Variants in CLASP1 observed in about 807,000 individuals in gnomAD.
The protein encoded by CLASP1 is cytoplasmic linker associated protein 1, also known as CLIP-associating protein 1.
Under a neutral mutation model 192.3 loss-of-function variants are expected in CLASP1, and 38 were observed. The observed-to-expected ratio is 0.20, with a 90% CI of 0.15 to 0.26. The LOEUF is 0.26. Ranked by LOEUF, CLASP1 falls within the 10% of genes least tolerant of loss-of-function variation. The pLI is 1.00. For missense variants in CLASP1, 1,433 were observed against 1,932.5 expected (o/e 0.74, Z 4.85); for synonymous variants, 691 against 712.8 (o/e 0.97, Z 0.49).
chr2:121,400,947 G>A (rs975445003), intron 28 of CLASP1, among the ~76,000 whole-genome samples: 1 of 152,172 alleles, frequency 6.6e-6, no homozygotes, highest in Non-Finnish European at 1.5e-5. Context: ...ATAGACAATA[G>A]AGAAGCGGTT....
In CLASP1 at chr2:121,527,790, C is replaced by T; in HGVS notation, c.470+9G>A. On this transcript the variant is annotated intron_variant, in intron 5 of 39. Transcript: ENST00000263710. The stretch of plus-strand genomic sequence containing the variant: ...CCACGTAAAAATGTCAGGCTCATCC[C>T]AGACTTACGCATTGAGTGTTGCTAT... 2 of 1,602,412 alleles carry T rather than the reference C, an allele frequency of 1.2e-6. No individual in the cohort carries two copies. The highest frequency in any genetic ancestry group is 2.2e-5 in the East Asian group (1 of 44,834).
chr2:121,398,899 A>G (rs2075726339), intron 28 of CLASP1, among the ~76,000 whole-genome samples: 1 of 152,158 alleles, frequency 6.6e-6, no homozygotes, highest in African/African-American at 2.4e-5. Flanking sequence ...GCGACAAAAC[A>G]TTTCCCATCC....
rs574765430 is a variant in CLASP1, at chr2:121,475,047, G to A, written c.713-5087C>T. 7.9e-5 allele frequency among the ~76,000 whole-genome samples: 12 copies of A among 152,270 alleles called. No homozygotes were observed. In the South Asian group the frequency reaches 2.5e-3, roughly 32 times the overall value. ...TGCTTAGAATACAGTTGACAGTACA[G>A]GGGTCAAATCACATCTATACAATAA... On this transcript the variant is annotated intron_variant, in intron 8 of 39. Coordinates refer to ENST00000263710, the Ensembl canonical transcript of CLASP1.
intron 21 of CLASP1, among the ~76,000 whole-genome samples, chr2:121,426,802 T>C (rs1214287302): frequency 1.1e-4 from 16 of 152,122 alleles, no homozygotes; most frequent in Admixed American, 1.0e-3. Context: ...TTGTGGGACC[T>C]AATTCTCTCT....
At chr2:121,640,113 C>T (rs992198796) in intron 1 of CLASP1, among the ~76,000 whole-genome samples, 3 of 151,884 alleles carry the variant, frequency 2.0e-5, no homozygotes. Flanking sequence ...AGCAAACTAT[C>T]GCAAGGACAA....
chr2:121,378,473 G>A (rs1264791013), intron 33 of CLASP1, among the ~76,000 whole-genome samples: 1 of 152,130 alleles, frequency 6.6e-6, no homozygotes. Flanking sequence ...CCTTTTTGGT[G>A]CACTGCAGTT....
At chr2:121,642,747 C>T (rs2072384617) in intron 1 of CLASP1, among the ~76,000 whole-genome samples, 1 of 152,134 alleles carries the variant, frequency 6.6e-6, no homozygotes, top group African/African-American at 2.4e-5. Context: ...AAATCTCAAA[C>T]AGTTTACCAA....
intron 8 of CLASP1, among the ~76,000 whole-genome samples, chr2:121,478,825 A>C (rs141803906): frequency 1.4e-4 from 1 of 7,038 alleles, no homozygotes; most frequent in Non-Finnish European, 3.2e-4. Context: ...ACACACAACC[A>C]CACACCACAC....
chr2:121,561,704 C>T (rs1379190417), intron 2 of CLASP1, among the ~76,000 whole-genome samples: 1 of 152,128 alleles, frequency 6.6e-6, no homozygotes, highest in Admixed American at 6.5e-5. Context: ...GGTTGGAAAC[C>T]TTGATTTAGA....
chr2:121,410,641 T>C (rs1453170618), intron 24 of CLASP1, among the ~76,000 whole-genome samples: 1 of 152,204 alleles, frequency 6.6e-6, no homozygotes, highest in Non-Finnish European at 1.5e-5. Flanking sequence ...AAGAAATACT[T>C]GATGCTAATA....
intron 8 of CLASP1, among the ~76,000 whole-genome samples, chr2:121,495,458 C>T (rs1435311078): frequency 1.3e-5 from 2 of 151,020 alleles, no homozygotes; most frequent in Non-Finnish European, 3.0e-5. Context: ...GTCAAGATTT[C>T]GAGACCAGCC....
chr2:121,410,892 G>C (rs762747242), exon 24 of CLASP1: 2 of 1,611,598 alleles, frequency 1.2e-6, no homozygotes. Flanking sequence ...GCAGCTTCAA[G>C]ATCTGTACTT....
intron 8 of CLASP1, among the ~76,000 whole-genome samples, chr2:121,478,648 C>A (rs962134131): frequency 0.064 from 6,346 of 98,448 alleles, 221 homozygotes; most frequent in East Asian, 0.16. Context: ...CACACACCCC[C>A]CACACACACA....
chr2:121,530,916 G>A lies in CLASP1; in HGVS notation c.196-591C>T, dbSNP rs756026847. 9.0e-5 allele frequency: 63 copies of A among 699,402 alleles called. No individual in the cohort carries two copies. The highest frequency in any genetic ancestry group is 1.4e-4 in the Non-Finnish European group (55 of 384,092). The allele number at this position is 699,402 out of a possible 1,614,324, so 43.3% of individuals were successfully genotyped here. Reference sequence around the variant, plus strand: ...TCTTGGGGTTGCGCTACTGTCCAATGAGCGCATAGTGAGGGCAGTACTGCT... The same window carrying A: ...TCTTGGGGTTGCGCTACTGTCCAATAAGCGCATAGTGAGGGCAGTACTGCT... On this transcript the variant is annotated intron_variant, in intron 2 of 39. Coordinates refer to ENST00000263710, the Ensembl canonical transcript of CLASP1.
At chr2:121,347,203 T>C (rs2063554944) in intron 38 of CLASP1, 49 bp from the exon 40 acceptor site, 1 of 1,261,902 alleles carries the variant, frequency 7.9e-7, no homozygotes, top group African/African-American at 1.5e-5. Flanking sequence ...CAAAGATTCA[T>C]TCCATAGCCA....
intron 2 of CLASP1, among the ~76,000 whole-genome samples, chr2:121,577,887 C>A (rs931626683): frequency 6.6e-6 from 1 of 152,034 alleles, no homozygotes; most frequent in Non-Finnish European, 1.5e-5. Flanking sequence ...GTACCCTGGG[C>A]AACACAGACG....
At chr2:121,405,630 G>A (rs1040577922) in intron 25 of CLASP1, among the ~76,000 whole-genome samples, 10 of 152,306 alleles carry the variant, frequency 6.6e-5, no homozygotes, top group Admixed American at 3.9e-4. Context: ...TGTTAACGAC[G>A]TAACCTAGAT....
chr2:121,477,358 T>C (rs1032485535), intron 8 of CLASP1, among the ~76,000 whole-genome samples: 7 of 152,250 alleles, frequency 4.6e-5, no homozygotes, highest in Admixed American at 4.6e-4. Flanking sequence ...CAAACAAGGC[T>C]ATGAAAATAA....
Position 121,624,599 on chromosome 2 carries a change from G to A in CLASP1, c.-285-18419C>T, listed in dbSNP as rs2067980475. Among the ~76,000 whole-genome samples the A allele has an allele frequency of 2.0e-5, 3 of 152,238 alleles. No homozygotes were observed. The South Asian group carries it at 6.2e-4, about 32-fold the overall frequency. On this transcript the variant is annotated intron_variant, in intron 1 of 39. Coordinates refer to ENST00000263710, the Ensembl canonical transcript of CLASP1. ...GCCCGGCTAATTTTTTGTATTTTTA[G>A]TAGAATGGGGTTTCGCCATGTTGGC...
Sources: allele counts gnomAD v4.1 joint callset (sites outside exome capture counted in the v4.1 genomes callset), GRCh38; gene constraint gnomAD v4.1.1; transcripts MANE v1.5; gene names NCBI Gene and HGNC (gene_info 2026-07-23, HGNC 2026-07-21).